TJP2: variants seen among roughly 807,000 people sequenced by gnomAD.
TJP2 encodes the protein tight junction protein 2, also known as Friedreich ataxia region gene X104 (tight junction protein ZO-2).
A neutral mutation model predicts 133.1 loss-of-function variants in TJP2; 91 were observed. The observed-to-expected ratio is 0.68, with a 90% confidence interval of 0.58 to 0.81. The LOEUF is 0.81. TJP2 is among the 40% of genes least tolerant of loss of function. TJP2 has a pLI of 0.00. For missense variants in TJP2, 1,541 were observed against 1,565.6 expected (o/e 0.98, Z 0.26); for synonymous variants, 592 against 583.4 (o/e 1.01, Z -0.21).
chr9:69,194,115 C>T (rs1262061086), intron 1 of TJP2, among the ~76,000 whole-genome samples: 1 of 152,126 alleles, frequency 6.6e-6, no homozygotes, highest in Non-Finnish European at 1.5e-5. Flanking sequence ...TATCAATTTA[C>T]TAAGTTTTGT....
intron 21 of TJP2, 114 bp from the exon 22 acceptor site, chr9:69,252,701 G>C (rs1831423728): frequency 1.0e-6 from 1 of 982,912 alleles, no homozygotes; most frequent in South Asian, 1.4e-5. Flanking sequence ...CTTGAAATGG[G>C]ATGGGAAAAT....
intron 5 of TJP2, among the ~76,000 whole-genome samples, chr9:69,221,734 G>A (rs1419817895): frequency 2.0e-5 from 3 of 151,594 alleles, no homozygotes; most frequent in Non-Finnish European, 4.4e-5. Context: ...TATGTTTTTA[G>A]TGGAGACAGG....
rs145620269 is a variant in TJP2 at position 69,165,934 on chromosome 9, C to T, written c.-10+14163C>T. Among the ~76,000 whole-genome samples the T allele has an allele frequency of 8.5e-3, 1,296 of 152,228 alleles. 18 individuals carry two copies. Among genetic ancestry groups the T allele is most frequent in the African/African-American group, 0.029 (1,198 of 41,528 alleles). On this transcript the variant is annotated intron_variant, in intron 2 of 5. Coordinates refer to the TJP2 transcript ENST00000423935. ...CCCAGGCGGAGCACCACCGTGGCCT[C>T]TGCCCACCAGCCTGAGCACACCCAG...
At chr9:69,225,622 A>G (rs1323301183) in intron 6 of TJP2, among the ~76,000 whole-genome samples, 4 of 152,190 alleles carry the variant, frequency 2.6e-5, no homozygotes, top group African/African-American at 9.7e-5. Flanking sequence ...AAAACAAAAA[A>G]ACTCCATGAA....
chr9:69,199,425 G>A (rs1486755478), intron 1 of TJP2, among the ~76,000 whole-genome samples: 3 of 152,134 alleles, frequency 2.0e-5, no homozygotes, highest in Admixed American at 6.5e-5. Context: ...CAGCTACTCC[G>A]GGGCTGAGGC....
At position 69,254,278 on chromosome 9, in the gene TJP2, T is replaced by G. The variant is rs79207032; in HGVS notation, c.3477T>G (p.Ser1159Arg). 2 of 1,614,220 alleles carry G rather than the reference T, an allele frequency of 1.2e-6. No homozygotes were observed. Among genetic ancestry groups the G allele is most frequent in the Non-Finnish European group, 1.7e-6 (2 of 1,180,034 alleles). The change falls in exon 23 of 23, where the codon AGT becomes AGG. Residue 1159 changes from serine to arginine, a missense_variant. By Grantham distance (110) the Ser-to-Arg change is moderately radical. Coordinates refer to ENST00000377245, the MANE Select transcript of TJP2 (RefSeq NM_004817.4). ...PYQDTRGSYG[S>R]DAEEEEYRQQ... Reference sequence around the variant, plus strand: ...AGGATACCAGAGGAAGTTATGGCAGTGATGCCGAGGAGGAGGAGTACCGCC... The same window carrying G: ...AGGATACCAGAGGAAGTTATGGCAGGGATGCCGAGGAGGAGGAGTACCGCC...
rs1831306990 is a variant in TJP2 at position 69,251,209 on chromosome 9, A to G, written c.3166A>G (p.Ile1056Val). 1 of 1,613,958 alleles carries G rather than the reference A, an allele frequency of 6.2e-7. No homozygotes were observed. Among genetic ancestry groups the G allele is most frequent in the African/African-American group, 1.3e-5 (1 of 74,892 alleles). ...GRSILKPSTP[I>V]PPQEGEEVGE... The stretch of plus-strand genomic sequence containing the variant: ...GTCTATACTGAAGCCCTCCACTCCC[A>G]TCCCTCCTCAAGAGGGTGAGGAGGT... The change falls in exon 21 of 23, where the codon ATC becomes GTC. Residue 1056 changes from isoleucine (I) to valine (V), a missense_variant. Coordinates refer to ENST00000377245, the MANE Select transcript of TJP2 (RefSeq NM_004817.4).
chr9:69,222,778 A>G (rs1174581493), intron 5 of TJP2, among the ~76,000 whole-genome samples: 2 of 152,010 alleles, frequency 1.3e-5, no homozygotes, highest in African/African-American at 4.8e-5. Context: ...CTCAGAAACC[A>G]TGGGGTGGAG....
At chr9:69,210,287 C>T (rs1396865430) in intron 1 of TJP2, among the ~76,000 whole-genome samples, 18 of 11,884 alleles carry the variant, frequency 1.5e-3, no homozygotes, top group Admixed American at 3.0e-3. Context: ...AGACCCCGTC[C>T]CCCCCCCCCC....
At position 69,240,105 on chromosome 9, in the gene TJP2, C is replaced by G; in HGVS notation, c.2524C>G (p.Gln842Glu). The G allele has an allele frequency of 6.2e-7, 1 of 1,613,992 alleles. No homozygotes were observed. The highest frequency in any genetic ancestry group is 8.5e-7 in the Non-Finnish European group (1 of 1,180,002). The change falls in exon 17 of 23, where the codon CAA becomes GAA. Residue 842 changes from glutamine to glutamate, a missense_variant. Transcript: ENST00000377245. Reference sequence around the variant, plus strand: ...CAAAAGTTCTCGAAAGTTATTTGATCAAGCCAACAAGCTTAAAAAAACGTG... The same window carrying G: ...CAAAAGTTCTCGAAAGTTATTTGATGAAGCCAACAAGCTTAAAAAAACGTG... ...SNKSSRKLFD[Q>E]ANKLKKTCAH...
At chr9:69,228,900 A>C (rs1049162164) in intron 9 of TJP2, among the ~76,000 whole-genome samples, 2 of 152,158 alleles carry the variant, frequency 1.3e-5, no homozygotes, top group African/African-American at 2.4e-5. Flanking sequence ...AAGGGGAAAC[A>C]GTATCATTAT....
At chr9:69,210,061 C>A (rs961212365) in intron 1 of TJP2, among the ~76,000 whole-genome samples, 4 of 151,920 alleles carry the variant, frequency 2.6e-5, no homozygotes, top group Non-Finnish European at 5.9e-5. Flanking sequence ...CTAAGGCAGG[C>A]GGACCATTTG....
chr9:69,249,808 C>T (rs1307223710), intron 20 of TJP2: 1 of 961,270 alleles, frequency 1.0e-6, no homozygotes, highest in African/African-American at 1.8e-5. Context: ...TCACCAATCG[C>T]AGAACGTGTT....
chr9:69,197,429 TTATGAACATTTG>T (rs1826665825), intron 1 of TJP2, among the ~76,000 whole-genome samples: 1 of 152,226 alleles, frequency 6.6e-6, no homozygotes, highest in South Asian at 2.1e-4. Flanking sequence ...AATAATACTG[TTATGAACATTTG>T]TATACAAGTT....
chr9:69,131,943 G>A (rs1434986384), intron 1 of TJP2, among the ~76,000 whole-genome samples: 3 of 152,206 alleles, frequency 2.0e-5, no homozygotes, highest in Non-Finnish European at 4.4e-5. Context: ...TCATGGCTAT[G>A]ATTTATTATG....
At chr9:69,182,850 G>T (rs1825611495) in intron 1 of TJP2, among the ~76,000 whole-genome samples, 1 of 145,926 alleles carries the variant, frequency 6.9e-6, no homozygotes, top group African/African-American at 2.5e-5. Flanking sequence ...GTGCAGTGGT[G>T]CCATCTCGGC....
upstream of TJP2, chr9:69,174,262 G>T: frequency 2.0e-6 from 3 of 1,527,486 alleles, no homozygotes. Context: ...CACCCCGGCG[G>T]TTGGGCTGCG....
chr9:69,182,452 C>G (rs993783873), intron 1 of TJP2, among the ~76,000 whole-genome samples: 3 of 152,112 alleles, frequency 2.0e-5, no homozygotes, highest in East Asian at 1.9e-4. Context: ...GCCCCAAGTT[C>G]GTTTTGAGCC....
intron 1 of TJP2, among the ~76,000 whole-genome samples, chr9:69,194,937 T>C (rs1826443914): frequency 6.6e-6 from 1 of 152,198 alleles, no homozygotes; most frequent in Admixed American, 6.5e-5. Flanking sequence ...GTATGTAGGC[T>C]CACTGGCTTT....
Sources: allele counts gnomAD v4.1 joint callset (sites outside exome capture counted in the v4.1 genomes callset), GRCh38; gene constraint gnomAD v4.1.1; transcripts MANE v1.5; gene names NCBI Gene and HGNC (gene_info 2026-07-23, HGNC 2026-07-21).